TTC39C: variants seen among roughly 807,000 people sequenced by gnomAD.
TTC39C encodes the protein tetratricopeptide repeat protein 39C.
A neutral mutation model predicts 76.3 loss-of-function variants in TTC39C; 33 were observed. The ratio of observed to expected loss-of-function variants is 0.43; its 90% CI spans 0.33 to 0.58. TTC39C has a LOEUF of 0.58. Among genes scored for constraint, TTC39C ranks in the 20% least tolerant of loss-of-function variants. The probability of loss-of-function intolerance (pLI) is 0.04; values close to 1 mark genes in which losing one functional copy is unlikely to be tolerated. For missense variants in TTC39C, 595 were observed against 701.4 expected, an observed-to-expected ratio of 0.85 and a Z score of 1.71; for synonymous variants, 254 against 260.6, an observed-to-expected ratio of 0.97 and a Z score of 0.24.
At chr18:24,065,013 C>T (rs889493682) in intron 2 of TTC39C, among the ~76,000 whole-genome samples, 1 of 152,156 alleles carries the variant, frequency 6.6e-6, no homozygotes, top group African/African-American at 2.4e-5. Context: ...TACTGGGTGG[C>T]GGTTGTAACA....
chr18:24,132,431 C>A, intron 13 of TTC39C, 54 bp from the exon 14 acceptor site: 1 of 1,500,872 alleles, frequency 6.7e-7, no homozygotes, highest in South Asian at 1.1e-5. Context: ...TACCACAGTA[C>A]CCTGTGCAAG....
chr18:24,050,147 TCCC>T, intron 1 of TTC39C, among the ~76,000 whole-genome samples: 1 of 152,218 alleles, frequency 6.6e-6, no homozygotes. Context: ...GGCACTCGTA[TCCC>T]CTGTCCTGTT....
intron 1 of TTC39C, among the ~76,000 whole-genome samples, chr18:24,026,368 CAG>C (rs774442804): frequency 6.2e-4 from 94 of 152,292 alleles, no homozygotes; most frequent in Middle Eastern, 3.4e-3. Flanking sequence ...CTCCATGAAT[CAG>C]GGCACAGTTG....
At chr18:24,004,588 G>A (rs572285090) in intron 1 of TTC39C, among the ~76,000 whole-genome samples, 5 of 152,274 alleles carry the variant, frequency 3.3e-5, no homozygotes, top group Admixed American at 3.3e-4. Flanking sequence ...AACTCCAGAT[G>A]TATACATTGC....
chr18:24,111,317 T>C lies in TTC39C; in HGVS notation c.985-3237T>C, dbSNP rs528588327. Among the ~76,000 whole-genome samples, 260 of 152,162 alleles carry C rather than the reference T, an allele frequency of 1.7e-3. 1 individual carries two copies. Among genetic ancestry groups the C allele is most frequent in the Middle Eastern group, 6.8e-3 (2 of 294 alleles). ...TGGGCACAGTGGCTCACACCTGTAA[T>C]CCCAGCACTTTGTGAGGCTGAGGTG... On this transcript the variant is annotated intron_variant, in intron 6 of 13. Transcript: ENST00000317571.
rs1298712018 is a variant in TTC39C at position 24,072,139 on chromosome 18, T to TG, written c.460+2872dup. On this transcript the variant is annotated intron_variant, in intron 4 of 13. Coordinates refer to ENST00000317571, the MANE Select transcript of TTC39C (RefSeq NM_001135993.2). ...AAACATTTTACATGGATAATTTTCTTGGGGAAAAAAAAAAAACAAAGCTCC... is the reference window on the plus strand; with the variant it reads ...AAACATTTTACATGGATAATTTTCTTGGGGGAAAAAAAAAAAACAAAGCTCC... 2.6e-5 allele frequency among the ~76,000 whole-genome samples: 4 copies of TG among 151,586 alleles called. No homozygotes were observed. The East Asian group carries it at 5.8e-4, about 22-fold the overall frequency.
chr18:24,085,363 C>G lies in TTC39C; in HGVS notation c.984+2282C>G, dbSNP rs192978753. ...AGTTGTTAAACAGAAATGTGAAAAT[C>G]AGAATTTATATTTTGTTATACTTGC... On this transcript the variant is annotated intron_variant, in intron 6 of 13. Transcript: ENST00000317571. Among the ~76,000 whole-genome samples, 3 of 152,286 alleles carry G rather than the reference C, an allele frequency of 2.0e-5. No individual in the cohort carries two copies. The East Asian group carries it at 5.8e-4, about 29-fold the overall frequency.
At chr18:24,017,080 G>A (rs9964805) in intron 1 of TTC39C, among the ~76,000 whole-genome samples, 7,952 of 152,164 alleles carry the variant, frequency 0.052, 573 homozygotes, top group African/African-American at 0.16. Flanking sequence ...TCTGCTCTGA[G>A]ACCTTATTTT....
At chr18:24,069,024 T>A in intron 3 of TTC39C, 133 bp from the exon 4 acceptor site, 1 of 655,988 alleles carries the variant, frequency 1.5e-6, no homozygotes, top group South Asian at 2.3e-5. Context: ...TAGGATAAAT[T>A]TGGGCTTGGC....
chr18:24,118,209 G>A lies in TTC39C; in HGVS notation c.1163G>A (p.Cys388Tyr), dbSNP rs764666906. Residue 388 changes from cysteine to tyrosine, a missense_variant, in exon 8 of 14, where the codon TGC (cysteine) becomes TAC (tyrosine). By Grantham distance (194) the Cys-to-Tyr change is radical (BLOSUM62 -2). Coordinates refer to ENST00000317571, the MANE Select transcript of TTC39C (RefSeq NM_001135993.2). The stretch of plus-strand genomic sequence containing the variant: ...AAAAATGAGTCCAGGTGGTCCCAGT[G>A]CTATTATGCCTACTTGACTGCAGGT... ...RLKNESRWSQ[C>Y]YYAYLTAVCQ... 5 of 1,613,886 alleles carry A rather than the reference G, an allele frequency of 3.1e-6. No individual in the cohort carries two copies. The highest frequency in any genetic ancestry group is 4.2e-6 in the Non-Finnish European group (5 of 1,179,932).
intron 8 of TTC39C, chr18:24,123,542 G>A: frequency 4.4e-6 from 1 of 226,248 alleles, no homozygotes; most frequent in African/African-American, 2.3e-5. Flanking sequence ...AAGTAGCTGG[G>A]ATTACAGGCA....
At chr18:24,058,774 C>T (rs1182542317) in intron 1 of TTC39C, among the ~76,000 whole-genome samples, 1 of 152,214 alleles carries the variant, frequency 6.6e-6, no homozygotes, top group African/African-American at 2.4e-5. Context: ...AGTTGCTCCA[C>T]ATCTCACTAA....
At chr18:24,124,297 A>T (rs970802975) in intron 9 of TTC39C, 10 of 160,916 alleles carry the variant, frequency 6.2e-5, no homozygotes, top group African/African-American at 1.4e-4. Flanking sequence ...GTTTTTTTTT[A>T]AATTTTAATG....
rs754119570 is a variant in TTC39C at position 24,052,273 on chromosome 18, T to C, written c.168-11867T>C. On this transcript the variant is annotated intron_variant, in intron 1 of 13. Coordinates refer to ENST00000317571, the MANE Select transcript of TTC39C (RefSeq NM_001135993.2). ...TTTATTAGAAGGGCTGTTCGGACTTTCTAGTTGCCAAACTGGACCGTGTAT... is the reference window on the plus strand; with the variant it reads ...TTTATTAGAAGGGCTGTTCGGACTTCCTAGTTGCCAAACTGGACCGTGTAT... Among the ~76,000 whole-genome samples, 9 of 152,274 alleles carry C rather than the reference T, an allele frequency of 5.9e-5. No homozygotes were observed. In the South Asian group the frequency reaches 6.2e-4, roughly 11 times the overall value.
chr18:24,008,467 C>G (rs1329753061), intron 1 of TTC39C, among the ~76,000 whole-genome samples: 1 of 152,122 alleles, frequency 6.6e-6, no homozygotes, highest in Non-Finnish European at 1.5e-5. Context: ...TAGCATAAGC[C>G]CAGGATTTTT....
intron 6 of TTC39C, among the ~76,000 whole-genome samples, chr18:24,104,695 T>TGC (rs1568439101): frequency 6.9e-6 from 1 of 145,968 alleles, no homozygotes; most frequent in African/African-American, 2.7e-5. Flanking sequence ...TGTTTGTGTG[T>TGC]GTGTGTGTGT....
intron 1 of TTC39C, among the ~76,000 whole-genome samples, chr18:24,045,765 C>T (rs1312807255): frequency 6.6e-6 from 1 of 150,944 alleles, no homozygotes; most frequent in Non-Finnish European, 1.5e-5. Context: ...CAAATAAAAA[C>T]TTTAAATTAT....
At chr18:24,098,436 C>T (rs1016204141) in intron 6 of TTC39C, among the ~76,000 whole-genome samples, 6 of 118,822 alleles carry the variant, frequency 5.0e-5, no homozygotes, top group African/African-American at 9.4e-5. Context: ...TTCCTCCTTT[C>T]CTTTCTTTCC....
At chr18:24,107,896 G>GGGT (rs2084767603) in intron 6 of TTC39C, among the ~76,000 whole-genome samples, 1 of 124,206 alleles carries the variant, frequency 8.1e-6, no homozygotes, top group Non-Finnish European at 1.5e-5. Flanking sequence ...GTAGGGGGGG[G>GGGT]GGTACAGGCA....
Sources: gnomAD v4.1 joint callset for allele counts (sites outside exome capture counted in the v4.1 genomes callset) on GRCh38, gnomAD v4.1.1 for gene constraint, MANE v1.5 for transcripts, NCBI Gene and HGNC (gene_info 2026-07-23, HGNC 2026-07-21) for gene names.